SYCP2: variants seen among roughly 807,000 people sequenced by gnomAD.
SYCP2 encodes the protein synaptonemal complex lateral element protein.
SYCP2 carries 55 observed loss-of-function variants against 211.3 expected under a neutral mutation model. That is an observed-to-expected ratio of 0.26 (90% CI 0.21 to 0.33). The LOEUF is 0.33. Among genes scored for constraint, SYCP2 ranks in the 10% least tolerant of loss-of-function variants. SYCP2 has a pLI of 1.00. For synonymous variants in SYCP2, 570 were observed against 555.2 expected (o/e 1.03, Z -0.37); for missense variants, 1,731 against 1,752.0 (o/e 0.99, Z 0.21).
intron 25 of SYCP2, among the ~76,000 whole-genome samples, 167 bp from the exon 26 acceptor site, chr20:59,886,131 A>G (rs1032505728): frequency 2.6e-5 from 4 of 152,110 alleles, no homozygotes; most frequent in African/African-American, 9.7e-5. Flanking sequence ...CACAGTAAAC[A>G]GCACTTATAA....
At chr20:59,908,510 T>TA (rs897738828) in intron 14 of SYCP2, among the ~76,000 whole-genome samples, 19 of 152,128 alleles carry the variant, frequency 1.2e-4, no homozygotes, top group African/African-American at 3.6e-4. Context: ...TTTCTGTGTG[T>TA]AAAAAACTTG....
At position 59,919,602 on chromosome 20, in the gene SYCP2, A is replaced by T. The variant is rs1460445541; in HGVS notation, c.298-5T>A. On this transcript the variant is annotated splice_polypyrimidine_tract_variant and splice_region_variant and intron_variant, in intron 5 of 44. Transcript: ENST00000357552. ...TTTTTCAAACCAGGCAACCATGTAA[A>T]AAAAGGAATGAACTTATTAGAGTTC... The T allele has an allele frequency of 6.4e-7, 1 of 1,569,624 alleles. No individual in the cohort carries two copies.
At chr20:59,901,133 C>T (rs2060108403) in intron 16 of SYCP2, among the ~76,000 whole-genome samples, 1 of 152,004 alleles carries the variant, frequency 6.6e-6, no homozygotes, top group Non-Finnish European at 1.5e-5. Flanking sequence ...CATGAATTGT[C>T]ACCTTAGATT....
chr20:59,916,658 G>T, intron 7 of SYCP2, 87 bp from the exon 8 acceptor site: 1 of 866,316 alleles, frequency 1.2e-6, no homozygotes, highest in Non-Finnish European at 1.9e-6. Context: ...AGTGGAAAGG[G>T]GCCAGGCATG....
In SYCP2 at chr20:59,895,300, C is replaced by G. The variant is rs145625578; in HGVS notation, c.1665+137G>C. 4,304 of 651,992 alleles carry G rather than the reference C, an allele frequency of 6.6e-3. 286 individuals are homozygous for G. In the Admixed American group the frequency reaches 0.12, roughly 18 times the overall value. 40.4% of individuals were successfully genotyped at this position (651,992 alleles called of 1,614,324 possible). ...GCCAGAAGGACCCTACTTTCAAGGG[C>G]AATAAATATTTAGGGGAAAAAAGGT... On this transcript the variant is annotated intron_variant, in intron 20 of 44. Transcript: ENST00000357552.
chr20:59,911,540 CATT>C (rs1222473831), intron 14 of SYCP2, among the ~76,000 whole-genome samples: 4 of 152,200 alleles, frequency 2.6e-5, no homozygotes, highest in African/African-American at 9.6e-5. Context: ...TAAAACTCAG[CATT>C]ATTTTTTCTT....
chr20:59,913,458 T>C (rs1440228283), intron 12 of SYCP2, among the ~76,000 whole-genome samples: 1 of 152,198 alleles, frequency 6.6e-6, no homozygotes, highest in African/African-American at 2.4e-5. Context: ...AATTCTGTTT[T>C]TCTGTCGTTA....
rs1267195816 is a variant in SYCP2, at chr20:59,913,956, T to C, written c.830+19A>G. The C allele has an allele frequency of 6.3e-7, 1 of 1,577,754 alleles. No individual in the cohort carries two copies. The highest frequency in any genetic ancestry group is 1.4e-5 in the African/African-American group (1 of 73,356). ...CTATTTATTTGACAGTAAATGGTTGTATCTTGCATTAAGTTTACCTTCTTT... is the reference window on the plus strand; with the variant it reads ...CTATTTATTTGACAGTAAATGGTTGCATCTTGCATTAAGTTTACCTTCTTT... On this transcript the variant is annotated intron_variant, in intron 12 of 44. Coordinates refer to ENST00000357552, the MANE Select transcript of SYCP2 (RefSeq NM_014258.4).
chr20:59,920,896 A>C (rs987971943), intron 4 of SYCP2, among the ~76,000 whole-genome samples: 3 of 151,796 alleles, frequency 2.0e-5, no homozygotes, highest in Admixed American at 6.6e-5. Flanking sequence ...AAAATGCCTT[A>C]AATATGATTA....
intron 7 of SYCP2, 41 bp downstream of exon 7, chr20:59,919,117 T>C (rs757257704): frequency 1.9e-6 from 2 of 1,067,306 alleles, no homozygotes; most frequent in South Asian, 2.8e-5. Flanking sequence ...ACTCTAACAG[T>C]AAAATTTATT....
Position 59,886,701 on chromosome 20 carries a change from A to C in SYCP2, c.2492+6T>G. The C allele has an allele frequency of 6.5e-7, 1 of 1,543,232 alleles. No individual in the cohort carries two copies. The highest frequency in any genetic ancestry group is 8.7e-7 in the Non-Finnish European group (1 of 1,148,656). ...AAATATTCATGTCTGAAATTTAAGA[A>C]CATACCTGTTAATCAAAGACTCCTT... On this transcript the variant is annotated splice_donor_region_variant and intron_variant, in intron 25 of 44. Transcript: ENST00000357552.
At chr20:59,895,962 AGTAT>A (rs1305598435) in intron 19 of SYCP2, among the ~76,000 whole-genome samples, 1 of 152,082 alleles carries the variant, frequency 6.6e-6, no homozygotes, top group Non-Finnish European at 1.5e-5. Flanking sequence ...TTTAGCTCTT[AGTAT>A]GTATCAGGCA....
intron 3 of SYCP2, 22 bp from the exon 4 acceptor site, chr20:59,921,475 C>G: frequency 1.3e-6 from 2 of 1,549,274 alleles, no homozygotes; most frequent in Non-Finnish European, 1.7e-6. Context: ...TATTTAATGG[C>G]ACATACTGTA....
chr20:59,877,513 G>A lies in SYCP2; in HGVS notation c.3022C>T (p.Pro1008Ser). 1 of 1,601,832 alleles carries A rather than the reference G, an allele frequency of 6.2e-7. No homozygotes were observed. Among genetic ancestry groups the A allele is most frequent in the East Asian group, 2.2e-5 (1 of 44,562 alleles). Residue 1008 changes from proline to serine, a missense_variant, in exon 33 of 45, where the codon CCG (proline) becomes TCG (serine). By Grantham distance (74) the Pro-to-Ser change is moderately conservative. Around this residue, in one of 3 missense-constraint regions of SYCP2, gnomAD observed 1,387 missense variants for 1,351.3 expected, o/e 1.03. Transcript: ENST00000357552. Reference protein sequence around the residue: ...NITKKMDKTIPEGRIRLPRKA... With the variant: ...NITKKMDKTISEGRIRLPRKA... ...CGTGGAAGTCTGATTCTTCCTTCCGGAATTGTCTTGTCCATCTTTTTTGTG... is the reference window on the plus strand; with the variant it reads ...CGTGGAAGTCTGATTCTTCCTTCCGAAATTGTCTTGTCCATCTTTTTTGTG...
At chr20:59,880,558 CAA>C in intron 30 of SYCP2, 87 bp from the exon 31 acceptor site, 2 of 657,226 alleles carry the variant, frequency 3.0e-6, no homozygotes, top group South Asian at 3.1e-5. Context: ...ACAACAACAA[CAA>C]AAAAAAACAA....
rs1436469448 is a variant in SYCP2, at chr20:59,868,512, A to T, written c.3889T>A (p.Ser1297Thr). 6.8e-6 allele frequency: 11 copies of T among 1,610,858 alleles called. No individual in the cohort carries two copies. The highest frequency in any genetic ancestry group is 9.3e-6 in the Non-Finnish European group (11 of 1,178,286). Residue 1297 changes from serine to threonine, a missense_variant, in exon 38 of 45, where the codon TCC becomes ACC. Around this residue, in one of 3 missense-constraint regions of SYCP2, gnomAD observed 1,387 missense variants for 1,351.3 expected, o/e 1.03. Transcript: ENST00000357552. ...RIYIEDNLSN[S>T]NEVEMEEKGE... ...TTCTCTTCCATTTCTACTTCATTGGAATTACTTAGATTATCTTCTATATAT... is the reference window on the plus strand; with the variant it reads ...TTCTCTTCCATTTCTACTTCATTGGTATTACTTAGATTATCTTCTATATAT...
intron 7 of SYCP2, 49 bp from the exon 8 acceptor site, chr20:59,916,620 T>C: frequency 8.2e-7 from 1 of 1,226,328 alleles, no homozygotes; most frequent in East Asian, 2.3e-5. Context: ...CAAATCCTCT[T>C]AACTGTCAGT....
At chr20:59,909,862 TG>T (rs1229178266) in intron 14 of SYCP2, among the ~76,000 whole-genome samples, 2 of 152,204 alleles carry the variant, frequency 1.3e-5, no homozygotes, top group Non-Finnish European at 2.9e-5. Context: ...TGGAATAATG[TG>T]GTTGTGAGGC....
intron 15 of SYCP2, among the ~76,000 whole-genome samples, chr20:59,903,440 T>C (rs1417460099): frequency 1.3e-5 from 2 of 152,082 alleles, no homozygotes; most frequent in African/African-American, 4.8e-5. Context: ...AAAGTAGGCT[T>C]TTTGTTTTAT....
Sources: allele counts gnomAD v4.1 joint callset (sites outside exome capture counted in the v4.1 genomes callset), GRCh38; gene constraint gnomAD v4.1.1; regional missense constraint gnomAD v4.1.1; transcripts MANE v1.5; gene names NCBI Gene and HGNC (gene_info 2026-07-23, HGNC 2026-07-21).